Variants in AKAP3 observed in about 807,000 individuals in gnomAD.
AKAP3 encodes A-kinase anchor protein 3.
AKAP3 carries 27 observed loss-of-function variants against 57.2 expected under a neutral mutation model. That is an observed-to-expected ratio of 0.47 (90% CI 0.35 to 0.65). AKAP3 has a LOEUF of 0.65. Among genes scored for constraint, AKAP3 ranks in the 30% least tolerant of loss-of-function variants. The pLI is 0.01. For missense variants in AKAP3, 959 were observed against 1,040.0 expected (o/e 0.92, Z 1.07); for synonymous variants, 334 against 392.3 (o/e 0.85, Z 1.76).
rs1945403762 is a variant in AKAP3, at chr12:4,625,712, A to G, written c.2406+784T>C. The stretch of plus-strand genomic sequence containing the variant: ...GAAAATGAGAGAGAGAGAGAGAGAG[A>G]GAGAGCAAGCGAGCGAGAAGGCAGA... On this transcript the variant is annotated intron_variant, in intron 5 of 5. Coordinates refer to ENST00000228850, the MANE Select transcript of AKAP3 (RefSeq NM_001278309.2). The surrounding 1 kb of genome is among the most constrained non-coding windows in gnomAD (Gnocchi z 5.4). Among the ~76,000 whole-genome samples, 1 of 147,702 alleles carries G rather than the reference A, an allele frequency of 6.8e-6. No individual in the cohort carries two copies. Among genetic ancestry groups the G allele is most frequent in the Non-Finnish European group, 1.5e-5 (1 of 67,066 alleles).
rs1397018404 is a variant in AKAP3, at chr12:4,628,243, A to T, written c.659T>A (p.Ile220Asn). ...PNLKYKSTLK[I>N]KESTKERQGP... is the part of the protein sequence containing the mutation. ...CTGTCTTTCTTTGGTGCTCTCCTTG[A>T]TCTTCAAAGTGGACTTGTATTTCAA... Residue 220 changes from isoleucine (I) to asparagine (N), a missense_variant, in exon 5 of 6, where the codon ATC (isoleucine) becomes AAC (asparagine). By Grantham distance (149) the Ile-to-Asn change is moderately radical. Transcript: ENST00000228850. The T allele has an allele frequency of 1.2e-6, 2 of 1,614,060 alleles. No individual in the cohort carries two copies. Among genetic ancestry groups the T allele is most frequent in the Non-Finnish European group, 8.5e-7 (1 of 1,179,976 alleles).
In AKAP3 at chr12:4,649,000, C is replaced by A; in HGVS notation, c.-500G>T. ...TCACTTTCCCAGCTTTCTTCTTAAC[C>A]AACAATCTACCCGAAACCGTCGTTT... is the stretch of plus-strand genomic sequence containing the variant. On this transcript the variant is annotated 5_prime_UTR_variant, in exon 1 of 6. Transcript: ENST00000228850. 1 of 1,081,616 alleles carries A rather than the reference C, an allele frequency of 9.2e-7. No individual in the cohort carries two copies. The highest frequency in any genetic ancestry group is 1.3e-6 in the Non-Finnish European group (1 of 746,186). The allele number at this position is 1,081,616 out of a possible 1,614,324, so 67.0% of individuals were successfully genotyped here. A position where few individuals can be genotyped will look rare whatever the true frequency, so the allele number is the denominator to read the frequency against.
intron 5 of AKAP3, among the ~76,000 whole-genome samples, chr12:4,620,474 C>CAAAAAAAA (rs35307509): frequency 1.2e-5 from 1 of 82,702 alleles, no homozygotes; most frequent in African/African-American, 5.1e-5. Flanking sequence ...GAGACTGTCT[C>CAAAAAAAA]AAAAAAAAAA....
chr12:4,636,826 T>C (rs1226282131), intron 4 of AKAP3, among the ~76,000 whole-genome samples: 1 of 152,202 alleles, frequency 6.6e-6, no homozygotes, highest in Non-Finnish European at 1.5e-5. Flanking sequence ...CACAGCTCAC[T>C]ACGACCTCAA....
At chr12:4,643,672 T>C (rs1046419830) in intron 2 of AKAP3, among the ~76,000 whole-genome samples, 2 of 152,174 alleles carry the variant, frequency 1.3e-5, no homozygotes, top group African/African-American at 4.8e-5. Context: ...CTAAAATGTT[T>C]CTCAAAAATG....
chr12:4,621,181 TACA>T (rs372318653), intron 5 of AKAP3, among the ~76,000 whole-genome samples: 3 of 150,626 alleles, frequency 2.0e-5, no homozygotes, highest in African/African-American at 4.9e-5. Context: ...TGTATAACTG[TACA>T]ACGTGTTTTA....
At chr12:4,621,869 T>G (rs139648550) in intron 5 of AKAP3, among the ~76,000 whole-genome samples, 3 of 152,314 alleles carry the variant, frequency 2.0e-5, no homozygotes, top group African/African-American at 7.2e-5. Flanking sequence ...TGATGACATT[T>G]GTATGGCAGA....
chr12:4,632,159 A>G (rs1945505385), intron 4 of AKAP3, among the ~76,000 whole-genome samples: 1 of 152,228 alleles, frequency 6.6e-6, no homozygotes, highest in African/African-American at 2.4e-5. Context: ...AAGATGGAAC[A>G]CTGAGACATT....
Position 4,615,768 on chromosome 12 carries a change from G to A in AKAP3, c.2533C>T (p.Leu845=). 6.2e-7 allele frequency: 1 copy of A among 1,614,150 alleles called. No homozygotes were observed. Among genetic ancestry groups the A allele is most frequent in the Middle Eastern group, 1.7e-4 (1 of 6,060 alleles). ...EAVGNVTPLQ[L]LDWLMVNL Reference sequence around the variant, plus strand: ...AGGTTCACCATCAGCCAGTCCAGCAGCTGCAGCGGTGTGACATTCCCCACC... The same window carrying A: ...AGGTTCACCATCAGCCAGTCCAGCAACTGCAGCGGTGTGACATTCCCCACC... The change falls in exon 6 of 6, where the codon CTG becomes TTG. Residue 845 remains leucine, a synonymous_variant. Coordinates refer to ENST00000228850, the MANE Select transcript of AKAP3 (RefSeq NM_001278309.2).
At chr12:4,637,630 A>G (rs893825156) in intron 4 of AKAP3, among the ~76,000 whole-genome samples, 5 of 152,178 alleles carry the variant, frequency 3.3e-5, no homozygotes, top group Non-Finnish European at 7.3e-5. Context: ...ATATTAAGTA[A>G]GCATTTAATA....
At chr12:4,617,420 T>C (rs1945297975) in intron 5 of AKAP3, among the ~76,000 whole-genome samples, 1 of 152,176 alleles carries the variant, frequency 6.6e-6, no homozygotes, top group Non-Finnish European at 1.5e-5. Context: ...AGTAAAACTC[T>C]CAGTATAAAT....
chr12:4,647,086 T>C (rs1262955083), intron 1 of AKAP3, among the ~76,000 whole-genome samples: 1 of 152,010 alleles, frequency 6.6e-6, no homozygotes, highest in Non-Finnish European at 1.5e-5. Flanking sequence ...CCTGGCCTCT[T>C]CGTCTTTGAA....
chr12:4,647,243 C>T (rs150773699), intron 1 of AKAP3, among the ~76,000 whole-genome samples: 355 of 152,152 alleles, frequency 2.3e-3, no homozygotes, highest in African/African-American at 8.2e-3. Flanking sequence ...TTACGCCACC[C>T]GATTCTCATA....
intron 2 of AKAP3, among the ~76,000 whole-genome samples, chr12:4,644,170 G>A (rs1231275448): frequency 1.3e-5 from 2 of 152,166 alleles, no homozygotes; most frequent in African/African-American, 2.4e-5. Flanking sequence ...CCGGTGGAAA[G>A]TCTTTATTTT....
chr12:4,639,272 C>T (rs918447269), intron 3 of AKAP3, among the ~76,000 whole-genome samples: 9 of 152,144 alleles, frequency 5.9e-5, no homozygotes, highest in Non-Finnish European at 8.8e-5. Context: ...TTTTCTATGC[C>T]AGACTTCCAT....
At position 4,626,426 on chromosome 12, in the gene AKAP3, A is replaced by G. The variant is rs1485868004; in HGVS notation, c.2406+70T>C. 6 of 1,516,666 alleles carry G rather than the reference A, an allele frequency of 4.0e-6. No homozygotes were observed. In the Admixed American group the frequency reaches 1.2e-4, roughly 31 times the overall value. The allele number at this position is 1,516,666 out of a possible 1,614,324, so 94.0% of individuals were successfully genotyped here. On this transcript the variant is annotated intron_variant, in intron 5 of 5. Transcript: ENST00000228850. ...TCTGTGGCTATCTTCCCATTCAGAA[A>G]GAAACCAGAACTTAAAGCCCTAGTT...
chr12:4,628,484 G>A lies in AKAP3; in HGVS notation c.418C>T (p.Arg140Cys), dbSNP rs762113417. The A allele has an allele frequency of 2.4e-5, 39 of 1,614,094 alleles. No individual in the cohort carries two copies. The highest frequency in any genetic ancestry group is 1.7e-4 in the African/African-American group (13 of 75,000). Residue 140 changes from arginine to cysteine, a missense_variant, in exon 5 of 6, where the codon CGC (arginine) becomes TGC (cysteine). Arg to Cys is a radical substitution (Grantham distance 180, BLOSUM62 -3). Coordinates refer to ENST00000228850, the MANE Select transcript of AKAP3 (RefSeq NM_001278309.2). ...RLTNLVIAMA[R>C]KEINEKIDGS... is the part of the protein sequence containing the mutation. ...TCGATCTTCTCATTGATCTCTTTGCGGGCCATGGCTATGACTAGATTCGTG... is the reference window on the plus strand; with the variant it reads ...TCGATCTTCTCATTGATCTCTTTGCAGGCCATGGCTATGACTAGATTCGTG...
At chr12:4,640,791 C>T (rs1163511477) in intron 3 of AKAP3, among the ~76,000 whole-genome samples, 4 of 152,176 alleles carry the variant, frequency 2.6e-5, no homozygotes, top group African/African-American at 9.6e-5. Flanking sequence ...CCTAATTAGA[C>T]ATGAGCATCA....
chr12:4,647,112 G>C (rs1273281788), intron 1 of AKAP3, among the ~76,000 whole-genome samples: 2 of 152,100 alleles, frequency 1.3e-5, no homozygotes, highest in East Asian at 3.9e-4. Context: ...GGGGCTTGCT[G>C]AGCTCCTAAA....
Sources: allele counts gnomAD v4.1 joint callset (sites outside exome capture counted in the v4.1 genomes callset), GRCh38; gene constraint gnomAD v4.1.1; non-coding constraint Gnocchi (gnomAD v3.1); transcripts MANE v1.5; gene names NCBI Gene and HGNC (gene_info 2026-07-23, HGNC 2026-07-21).